The following DCDC2C variants were observed in gnomAD, a reference collection of about 807,000 sequenced individuals.
The protein encoded by DCDC2C is doublecortin domain-containing protein 2C.
DCDC2C carries 44 observed loss-of-function variants against 45.0 expected under a neutral mutation model. That is an observed-to-expected ratio of 0.98 (90% CI 0.77 to 1.26). The LOEUF is 1.26. Ranked by LOEUF, DCDC2C falls within the 50% of genes most tolerant of loss-of-function variation. The pLI, the probability that DCDC2C is intolerant of heterozygous loss-of-function variation, is 0.00. For missense variants in DCDC2C, 447 were observed against 468.9 expected (o/e 0.95, Z 0.43); for synonymous variants, 187 against 178.8 (o/e 1.05, Z -0.37).
chr2:3,762,868 GGA>G (rs1669916759), intron 6 of DCDC2C, among the ~76,000 whole-genome samples: 1 of 152,136 alleles, frequency 6.6e-6, no homozygotes, highest in Admixed American at 6.5e-5. Context: ...CAGCTGTTTT[GGA>G]GAGAGTAGGG....
intron 10 of DCDC2C, among the ~76,000 whole-genome samples, chr2:3,832,838 T>C (rs747343701): frequency 3.9e-5 from 6 of 152,322 alleles, no homozygotes; most frequent in Admixed American, 1.3e-4. Context: ...CCAGAGGACG[T>C]TGGAGATGGC....
At chr2:3,725,483 A>ACGAGGATGGCCAGGTGGATCCCGGAGGG in intron 2 of DCDC2C, among the ~76,000 whole-genome samples, 1 of 24,458 alleles carries the variant, frequency 4.1e-5, no homozygotes, top group East Asian at 2.0e-3. Flanking sequence ...ATCCCAGAGG[A>ACGAGGATGGCCAGGTGGATCCCGGAGGG]AGACGAGCAG....
At chr2:3,745,633 T>G (rs1669337566) in intron 4 of DCDC2C, among the ~76,000 whole-genome samples, 1 of 152,248 alleles carries the variant, frequency 6.6e-6, no homozygotes, top group Non-Finnish European at 1.5e-5. Context: ...ATTATTTATA[T>G]TTCTCTGTAT....
intron 3 of DCDC2C, among the ~76,000 whole-genome samples, chr2:3,739,989 G>A (rs1669156348): frequency 6.6e-6 from 1 of 152,190 alleles, no homozygotes; most frequent in South Asian, 2.1e-4. Flanking sequence ...AGCGAGCCAC[G>A]CCCCCATTGC....
At chr2:3,791,066 G>A (rs879518149) in intron 10 of DCDC2C, among the ~76,000 whole-genome samples, 11 of 152,072 alleles carry the variant, frequency 7.2e-5, no homozygotes, top group South Asian at 2.1e-4. Context: ...CCGAGATCGC[G>A]CCACTGCACT....
intron 10 of DCDC2C, among the ~76,000 whole-genome samples, chr2:3,805,135 C>T (rs1188485723): frequency 6.6e-6 from 1 of 152,154 alleles, no homozygotes; most frequent in Non-Finnish European, 1.5e-5. Flanking sequence ...CTTTTTACTC[C>T]CTCTGTCCAG....
chr2:3,754,429 C>T (rs952792997), intron 5 of DCDC2C, among the ~76,000 whole-genome samples, 163 bp from the exon 6 acceptor site: 1 of 152,162 alleles, frequency 6.6e-6, no homozygotes, highest in Admixed American at 6.5e-5. Flanking sequence ...TTTTCTGCTC[C>T]CAAAGCTGGG....
chr2:3,847,604 T>G lies in DCDC2C; in HGVS notation c.*421T>G, dbSNP rs893434305. Among the ~76,000 whole-genome samples, 3 of 152,170 alleles carry G rather than the reference T, an allele frequency of 2.0e-5. No homozygotes were observed. The highest frequency in any genetic ancestry group is 7.2e-5 in the African/African-American group (3 of 41,442). On this transcript the variant is annotated 3_prime_UTR_variant, in exon 11 of 11. Coordinates refer to ENST00000399143, the MANE Select transcript of DCDC2C (RefSeq NM_001287444.2). ...CCTTTGCTATGTAAAGTTCAAAGTA[T>G]AAAAATGTTTTACCTTCTGAATAAC...
intron 2 of DCDC2C, among the ~76,000 whole-genome samples, chr2:3,722,132 C>T (rs1236519087): frequency 6.6e-6 from 1 of 152,150 alleles, no homozygotes; most frequent in Non-Finnish European, 1.5e-5. Context: ...GCATTGCATG[C>T]AGGAGGCAGC....
chr2:3,710,252 C>A (rs560986871), intron 2 of DCDC2C, among the ~76,000 whole-genome samples: 14 of 151,936 alleles, frequency 9.2e-5, no homozygotes, highest in African/African-American at 3.1e-4. Context: ...CAGGTTTGTT[C>A]CACAGGTAAA....
At chr2:3,807,339 G>A (rs901011555) in intron 10 of DCDC2C, among the ~76,000 whole-genome samples, 9 of 152,168 alleles carry the variant, frequency 5.9e-5, no homozygotes, top group South Asian at 2.1e-4. Context: ...AGGGGTGGGC[G>A]AAGTGTGCCC....
At chr2:3,762,156 T>C (rs1378770010) in intron 6 of DCDC2C, among the ~76,000 whole-genome samples, 1 of 117,540 alleles carries the variant, frequency 8.5e-6, no homozygotes, top group Non-Finnish European at 1.8e-5. Context: ...GTTTTCTTGC[T>C]TGAACCTTTT....
At chr2:3,711,283 G>A (rs756239539) in intron 2 of DCDC2C, among the ~76,000 whole-genome samples, 11 of 152,106 alleles carry the variant, frequency 7.2e-5, no homozygotes, top group African/African-American at 9.7e-5. Context: ...CAGCAATGCC[G>A]TTACTGGGTA....
At chr2:3,762,091 A>G (rs1015318240) in intron 6 of DCDC2C, among the ~76,000 whole-genome samples, 1 of 150,046 alleles carries the variant, frequency 6.7e-6, no homozygotes, top group Admixed American at 6.6e-5. Flanking sequence ...TGGGTGTAAG[A>G]CGTGAGGTTC....
At chr2:3,803,344 C>G (rs1321142533) in intron 10 of DCDC2C, among the ~76,000 whole-genome samples, 1 of 151,992 alleles carries the variant, frequency 6.6e-6, no homozygotes, top group Non-Finnish European at 1.5e-5. Flanking sequence ...CGCCCTTGTT[C>G]ACATCTCAGT....
chr2:3,737,570 G>A (rs1014913575), intron 3 of DCDC2C, among the ~76,000 whole-genome samples: 2 of 151,594 alleles, frequency 1.3e-5, no homozygotes, highest in African/African-American at 4.9e-5. Context: ...AGTGGGTAGA[G>A]GGAGGTGGAT....
chr2:3,764,699 A>T (rs984398870), intron 6 of DCDC2C, among the ~76,000 whole-genome samples: 68 of 152,192 alleles, frequency 4.5e-4, no homozygotes, highest in African/African-American at 1.6e-3. Flanking sequence ...CCAACTCTAG[A>T]TCTTTCTATA....
intron 6 of DCDC2C, among the ~76,000 whole-genome samples, chr2:3,758,461 T>C (rs1669786381): frequency 6.6e-6 from 1 of 152,208 alleles, no homozygotes; most frequent in Admixed American, 6.5e-5. Flanking sequence ...AGTTATTATA[T>C]ACACGGAAAG....
At chr2:3,719,438 G>A (rs1276361814) in intron 2 of DCDC2C, among the ~76,000 whole-genome samples, 1 of 152,202 alleles carries the variant, frequency 6.6e-6, no homozygotes, top group Non-Finnish European at 1.5e-5. Flanking sequence ...GCCTCTGGCT[G>A]TCCACATTGG....
Sources: gnomAD v4.1 joint callset for allele counts (sites outside exome capture counted in the v4.1 genomes callset) on GRCh38, gnomAD v4.1.1 for gene constraint, MANE v1.5 for transcripts, NCBI Gene and HGNC (gene_info 2026-07-23, HGNC 2026-07-21) for gene names.